Variants in TTC28 observed in about 807,000 individuals in gnomAD.
TTC28 encodes the protein tetratricopeptide repeat protein 28.
In TTC28, 61 loss-of-function variants were observed where a neutral mutation model predicts 198.0. The ratio of observed to expected loss-of-function variants is 0.31; its 90% CI spans 0.25 to 0.38. The LOEUF (loss-of-function observed/expected upper bound fraction) is 0.38. TTC28 is among the 10% of genes least tolerant of loss of function. The pLI is 1.00. For missense variants in TTC28, 2,678 were observed against 3,164.0 expected (o/e 0.85, Z 3.69); for synonymous variants, 1,171 against 1,297.8 (o/e 0.90, Z 2.10).
intron 6 of TTC28, among the ~76,000 whole-genome samples, chr22:28,144,862 A>G (rs1011579925): frequency 6.6e-6 from 1 of 152,242 alleles, no homozygotes; most frequent in Non-Finnish European, 1.5e-5. Context: ...GGCACAAAGC[A>G]CTGCAAGGTG....
intron 5 of TTC28, among the ~76,000 whole-genome samples, chr22:28,192,848 A>C (rs945916761): frequency 6.6e-6 from 1 of 152,176 alleles, no homozygotes; most frequent in Admixed American, 6.6e-5. Context: ...GAGAATGCAA[A>C]CAAGTTGGAA....
chr22:28,148,887 T>C (rs1160747269), intron 6 of TTC28, among the ~76,000 whole-genome samples: 2 of 152,176 alleles, frequency 1.3e-5, no homozygotes, highest in Non-Finnish European at 2.9e-5. Context: ...ATGAAAGATA[T>C]GGGTAATTAT....
chr22:28,073,847 C>T (rs927366950), intron 12 of TTC28, among the ~76,000 whole-genome samples: 3 of 152,168 alleles, frequency 2.0e-5, no homozygotes, highest in African/African-American at 7.2e-5. Context: ...TTAAGCTTAA[C>T]GGGCAGTATA....
chr22:28,113,530 C>T (rs1362417109), intron 6 of TTC28, among the ~76,000 whole-genome samples: 1 of 152,188 alleles, frequency 6.6e-6, no homozygotes, highest in Non-Finnish European at 1.5e-5. Context: ...CTCTCAGACC[C>T]ACTGCCCTCA....
intron 6 of TTC28, among the ~76,000 whole-genome samples, chr22:28,133,626 C>CT (rs1452971837): frequency 6.6e-6 from 1 of 152,196 alleles, no homozygotes; most frequent in Non-Finnish European, 1.5e-5. Flanking sequence ...GCACAGCAGT[C>CT]TGAGATCAAA....
At chr22:28,102,755 T>C (rs931266676) in intron 8 of TTC28, among the ~76,000 whole-genome samples, 3 of 152,226 alleles carry the variant, frequency 2.0e-5, no homozygotes, top group African/African-American at 7.2e-5. Flanking sequence ...TCAGGTTCAA[T>C]GTCATAAATA....
intron 2 of TTC28, among the ~76,000 whole-genome samples, chr22:28,511,902 G>T (rs992384023): frequency 2.6e-5 from 4 of 151,282 alleles, no homozygotes; most frequent in Non-Finnish European, 5.9e-5. Flanking sequence ...ACATAGGCAT[G>T]GGCAAAGATT....
At position 28,001,722 on chromosome 22, in the gene TTC28, G is replaced by T. The variant is rs548920222; in HGVS notation, c.4219-169C>A. 5.6e-6 allele frequency: 4 copies of T among 708,334 alleles called. No homozygotes were observed. In the South Asian group the frequency reaches 5.7e-5, roughly 10 times the overall value. 43.9% of individuals were successfully genotyped at this position (708,334 alleles called of 1,614,324 possible). The stretch of plus-strand genomic sequence containing the variant: ...GCCGAGTTGCAGCCCTGCAGGAGCG[G>T]CACCAACTGGCATGCTCGCTTGTGG... On this transcript the variant is annotated intron_variant, in intron 14 of 22. Transcript: ENST00000397906.
At chr22:28,586,344 T>C (rs2050318711) in intron 2 of TTC28, among the ~76,000 whole-genome samples, 1 of 151,702 alleles carries the variant, frequency 6.6e-6, no homozygotes, top group African/African-American at 2.4e-5. Context: ...GTTACATCTG[T>C]ATTGGACACA....
intron 12 of TTC28, among the ~76,000 whole-genome samples, chr22:28,091,061 G>C (rs536024303): frequency 6.6e-6 from 1 of 152,198 alleles, no homozygotes; most frequent in Non-Finnish European, 1.5e-5. Flanking sequence ...TCTCTGTATA[G>C]AGCAGAGGGG....
At chr22:28,132,686 A>G (rs1943088188) in intron 6 of TTC28, among the ~76,000 whole-genome samples, 1 of 152,188 alleles carries the variant, frequency 6.6e-6, no homozygotes, top group South Asian at 2.1e-4. Flanking sequence ...ATCATTGGCT[A>G]ACTGTACTAA....
At chr22:27,997,942 CCT>C (rs1229543022) in intron 16 of TTC28, 1 of 153,068 alleles carries the variant, frequency 6.5e-6, no homozygotes, top group African/African-American at 2.4e-5. Context: ...TCCCATCTCC[CCT>C]GTGACCAGAT....
intron 12 of TTC28, among the ~76,000 whole-genome samples, chr22:28,083,388 T>C (rs1227383161): frequency 6.6e-6 from 1 of 152,182 alleles, no homozygotes; most frequent in Non-Finnish European, 1.5e-5. Context: ...TAGAACTAGA[T>C]CACAGTGACA....
At chr22:28,057,566 C>A (rs1445569971) in intron 12 of TTC28, among the ~76,000 whole-genome samples, 2 of 151,996 alleles carry the variant, frequency 1.3e-5, no homozygotes, top group Non-Finnish European at 2.9e-5. Context: ...CTTGCCTATC[C>A]ATTTTCTTCA....
chr22:28,014,105 T>A, intron 14 of TTC28, 143 bp downstream of exon 14: 1 of 1,058,048 alleles, frequency 9.5e-7, no homozygotes, highest in East Asian at 2.8e-5. Context: ...ACTGAGAAGC[T>A]GGACAGAGCG....
chr22:28,143,158 T>C (rs1943381869), intron 6 of TTC28, among the ~76,000 whole-genome samples: 1 of 152,194 alleles, frequency 6.6e-6, no homozygotes, highest in Non-Finnish European at 1.5e-5. Flanking sequence ...ACTCCCAAGA[T>C]AAGAATGACT....
At chr22:28,197,059 G>A (rs1925423298) in intron 5 of TTC28, among the ~76,000 whole-genome samples, 1 of 151,896 alleles carries the variant, frequency 6.6e-6, no homozygotes, top group Non-Finnish European at 1.5e-5. Context: ...AAGAAAATGT[G>A]GCACATATAC....
chr22:28,400,071 C>G (rs2046880957), intron 2 of TTC28, among the ~76,000 whole-genome samples: 1 of 152,190 alleles, frequency 6.6e-6, no homozygotes, highest in Non-Finnish European at 1.5e-5. Flanking sequence ...GCATTTTCAA[C>G]AAAATATTTC....
chr22:28,219,597 G>T (rs1253019653), intron 5 of TTC28, among the ~76,000 whole-genome samples: 1 of 151,954 alleles, frequency 6.6e-6, no homozygotes, highest in Non-Finnish European at 1.5e-5. Context: ...GTACTCAGTA[G>T]GTGTTCACGA....
Sources: gnomAD v4.1 joint callset for allele counts (sites outside exome capture counted in the v4.1 genomes callset) on GRCh38, gnomAD v4.1.1 for gene constraint, MANE v1.5 for transcripts, NCBI Gene and HGNC (gene_info 2026-07-23, HGNC 2026-07-21) for gene names.